The following PTPRD variants were observed in gnomAD, a reference collection of about 807,000 sequenced individuals.
PTPRD encodes the protein receptor-type tyrosine-protein phosphatase delta.
PTPRD carries 34 observed loss-of-function variants against 214.5 expected under a neutral mutation model. The observed-to-expected ratio is 0.16, with a 90% CI of 0.12 to 0.21. PTPRD has a LOEUF of 0.21. Ranked by LOEUF, PTPRD falls within the 10% of genes least tolerant of loss-of-function variation. The pLI is 1.00. For synonymous variants in PTPRD, 1,128 were observed against 845.7 expected, an observed-to-expected ratio of 1.33 and a Z score of -5.79; for missense variants, 2,545 against 2,398.7, an observed-to-expected ratio of 1.06 and a Z score of -1.27.
intron 7 of PTPRD, among the ~76,000 whole-genome samples, chr9:9,654,853 A>G (rs908706500): frequency 1.1e-4 from 17 of 152,158 alleles, no homozygotes. Flanking sequence ...TCCCTATATT[A>G]AAAGCCCAAG....
At chr9:9,463,385 G>A (rs2093843539) in intron 8 of PTPRD, among the ~76,000 whole-genome samples, 1 of 152,058 alleles carries the variant, frequency 6.6e-6, no homozygotes, top group Admixed American at 6.6e-5. Context: ...GAAGAGGGAG[G>A]GAGGGGCAGG....
intron 3 of PTPRD, among the ~76,000 whole-genome samples, chr9:10,247,352 G>T (rs4740445): frequency 6.6e-6 from 1 of 151,836 alleles, no homozygotes; most frequent in African/African-American, 2.4e-5. Context: ...CCTCCTAGAG[G>T]TATTAAAATA....
intron 5 of PTPRD, among the ~76,000 whole-genome samples, chr9:9,791,689 C>G (rs2098968409): frequency 6.6e-6 from 1 of 152,076 alleles, no homozygotes; most frequent in Non-Finnish European, 1.5e-5. Flanking sequence ...TTTGGTCAAG[C>G]TATCATTTAG....
intron 3 of PTPRD, among the ~76,000 whole-genome samples, chr9:10,232,413 T>C (rs1234808552): frequency 6.6e-6 from 1 of 151,958 alleles, no homozygotes; most frequent in Non-Finnish European, 1.5e-5. Flanking sequence ...CCACTTCCCT[T>C]TGAGTTTCCT....
At chr9:9,390,438 C>A (rs543927437) in intron 9 of PTPRD, among the ~76,000 whole-genome samples, 28 of 152,208 alleles carry the variant, frequency 1.8e-4, no homozygotes, top group Admixed American at 1.2e-3. Context: ...CTCTATCAGT[C>A]AATGGTAGAT....
At chr9:8,349,623 A>G (rs967587614) in intron 39 of PTPRD, among the ~76,000 whole-genome samples, 7 of 152,178 alleles carry the variant, frequency 4.6e-5, no homozygotes, top group Non-Finnish European at 7.4e-5. Context: ...GTTTTCTGTC[A>G]GAGTAGTTGC....
chr9:9,894,278 G>T (rs893231876), intron 5 of PTPRD, among the ~76,000 whole-genome samples: 6 of 151,954 alleles, frequency 3.9e-5, no homozygotes, highest in African/African-American at 1.4e-4. Flanking sequence ...CTTCTGGAAA[G>T]CAATTCAGAT....
At chr9:9,748,235 A>C (rs1261656784) in intron 6 of PTPRD, among the ~76,000 whole-genome samples, 1 of 152,140 alleles carries the variant, frequency 6.6e-6, no homozygotes, top group Non-Finnish European at 1.5e-5. Context: ...TTTACTTTTT[A>C]TTACTTCTAT....
intron 11 of PTPRD, among the ~76,000 whole-genome samples, chr9:8,782,444 T>G (rs1391906602): frequency 6.6e-6 from 1 of 152,130 alleles, no homozygotes; most frequent in African/African-American, 2.4e-5. Flanking sequence ...CTCCTGAACT[T>G]ACTCCTCCTA....
At chr9:9,173,608 T>A (rs1435664558) in intron 10 of PTPRD, among the ~76,000 whole-genome samples, 1 of 152,140 alleles carries the variant, frequency 6.6e-6, no homozygotes, top group African/African-American at 2.4e-5. Context: ...GCTGCTGTGT[T>A]GAATACTGTA....
chr9:9,343,464 C>T (rs559377577), intron 9 of PTPRD, among the ~76,000 whole-genome samples: 1 of 152,270 alleles, frequency 6.6e-6, no homozygotes, highest in African/African-American at 2.4e-5. Flanking sequence ...TTGCATTTCT[C>T]TAATGACCAG....
At chr9:9,370,021 G>C (rs1276164720) in intron 9 of PTPRD, among the ~76,000 whole-genome samples, 1 of 152,148 alleles carries the variant, frequency 6.6e-6, no homozygotes, top group Non-Finnish European at 1.5e-5. Flanking sequence ...TAGCCTTGTA[G>C]TATAGTTTGA....
intron 39 of PTPRD, among the ~76,000 whole-genome samples, chr9:8,348,738 T>G (rs971564001): frequency 6.6e-6 from 1 of 152,180 alleles, no homozygotes; most frequent in Non-Finnish European, 1.5e-5. Context: ...CTTTCCCACC[T>G]CTGGGCGTTT....
intron 2 of PTPRD, among the ~76,000 whole-genome samples, chr9:10,461,539 A>C (rs1467336347): frequency 1.3e-5 from 2 of 152,074 alleles, no homozygotes; most frequent in African/African-American, 4.8e-5. Context: ...CACAATATGA[A>C]TGGACCTAGA....
At position 9,827,981 on chromosome 9, in the gene PTPRD, G is replaced by A. The variant is rs201620517; in HGVS notation, c.-367-61130C>T. Among the ~76,000 whole-genome samples, 155 of 152,078 alleles carry A rather than the reference G, an allele frequency of 1.0e-3. 1 individual carries two copies. In the East Asian group the frequency reaches 0.022, roughly 22 times the overall value. ...ACAATCTCACACCAGTTAGAATGGC[G>A]ATCGTTAAAAAGTCAGGAAACAACA... On this transcript the variant is annotated intron_variant, in intron 5 of 45. Coordinates refer to ENST00000381196, the MANE Select transcript of PTPRD (RefSeq NM_002839.4).
At chr9:10,553,767 TTAA>T (rs149524363) in intron 2 of PTPRD, among the ~76,000 whole-genome samples, 2,625 of 152,322 alleles carry the variant, frequency 0.017, 38 homozygotes, top group South Asian at 0.027. Context: ...AGTTTTCTTA[TTAA>T]TAATGTTTAT....
chr9:9,623,183 A>G (rs891910131), intron 7 of PTPRD, among the ~76,000 whole-genome samples: 1 of 152,206 alleles, frequency 6.6e-6, no homozygotes, highest in African/African-American at 2.4e-5. Context: ...TTATATTGAG[A>G]CAAGATATTG....
chr9:9,138,530 C>T (rs1043376224), intron 10 of PTPRD, among the ~76,000 whole-genome samples: 2 of 151,540 alleles, frequency 1.3e-5, no homozygotes, highest in African/African-American at 4.9e-5. Flanking sequence ...GACTTGTGAC[C>T]ATTTACCCAT....
chr9:9,771,304 T>C (rs1182151950), intron 5 of PTPRD, among the ~76,000 whole-genome samples: 1 of 152,162 alleles, frequency 6.6e-6, no homozygotes, highest in Non-Finnish European at 1.5e-5. Context: ...GTTAACACAT[T>C]CATAAGTGTG....
Sources: gnomAD v4.1 joint callset for allele counts (sites outside exome capture counted in the v4.1 genomes callset) on GRCh38, gnomAD v4.1.1 for gene constraint, MANE v1.5 for transcripts, NCBI Gene and HGNC (gene_info 2026-07-23, HGNC 2026-07-21) for gene names.